The following TTLL5 variants were observed in gnomAD, a reference collection of about 807,000 sequenced individuals.
The protein encoded by TTLL5 is tubulin polyglutamylase TTLL5.
In TTLL5, 132 loss-of-function variants were observed where a neutral mutation model predicts 168.4. The observed-to-expected ratio is 0.78, with a 90% CI of 0.68 to 0.91. TTLL5 has a LOEUF of 0.91. TTLL5 is among the 40% of genes least tolerant of loss of function. The pLI is 0.00. For synonymous variants in TTLL5, 546 were observed against 558.6 expected, an observed-to-expected ratio of 0.98 and a Z score of 0.32; for missense variants, 1,545 against 1,581.5, an observed-to-expected ratio of 0.98 and a Z score of 0.39.
intron 28 of TTLL5, among the ~76,000 whole-genome samples, chr14:75,860,367 T>C (rs1292841141): frequency 1.3e-5 from 2 of 152,220 alleles, no homozygotes; most frequent in African/African-American, 2.4e-5. Context: ...ATATTTGTTA[T>C]TAAAACAGCT....
intron 28 of TTLL5, among the ~76,000 whole-genome samples, chr14:75,826,117 C>T (rs1022483271): frequency 6.6e-6 from 1 of 152,030 alleles, no homozygotes; most frequent in Admixed American, 6.6e-5. Context: ...AACCTGGGGC[C>T]GAGTGTCAGG....
chr14:75,827,707 C>CTTTTTTTTTTT (rs561078439), intron 28 of TTLL5, among the ~76,000 whole-genome samples: 19 of 53,202 alleles, frequency 3.6e-4, no homozygotes, highest in African/African-American at 1.1e-3. Flanking sequence ...TGGCTTGGTT[C>CTTTTTTTTTTT]TTTTTTTTTT....
At chr14:75,682,653 C>T (rs1336563078) in intron 4 of TTLL5, among the ~76,000 whole-genome samples, 1 of 151,746 alleles carries the variant, frequency 6.6e-6, no homozygotes, top group African/African-American at 2.4e-5. Context: ...TCAAAAAGGA[C>T]AGGCAAAAAG....
At chr14:75,859,935 G>A (rs1897319018) in intron 28 of TTLL5, among the ~76,000 whole-genome samples, 1 of 152,210 alleles carries the variant, frequency 6.6e-6, no homozygotes, top group Non-Finnish European at 1.5e-5. Context: ...AAGCAAGCAA[G>A]TTTCTCGTGG....
chr14:75,928,087 A>T (rs1032991182), intron 31 of TTLL5, among the ~76,000 whole-genome samples: 2 of 151,898 alleles, frequency 1.3e-5, no homozygotes, highest in African/African-American at 2.4e-5. Context: ...GTTCGTTTCC[A>T]TGGAGCACCA....
At chr14:75,757,200 C>T (rs940417255) in intron 18 of TTLL5, among the ~76,000 whole-genome samples, 2 of 152,078 alleles carry the variant, frequency 1.3e-5, no homozygotes, top group African/African-American at 4.8e-5. Flanking sequence ...CTGGTCTTGA[C>T]CTCCTGAGCT....
intron 30 of TTLL5, among the ~76,000 whole-genome samples, chr14:75,890,332 A>G (rs2140050668): frequency 6.6e-6 from 1 of 152,350 alleles, no homozygotes; most frequent in South Asian, 2.1e-4. Flanking sequence ...AAAAGCAAGC[A>G]GTAAAATTAG....
At chr14:75,836,209 C>G (rs1895858528) in intron 28 of TTLL5, among the ~76,000 whole-genome samples, 1 of 152,072 alleles carries the variant, frequency 6.6e-6, no homozygotes, top group Non-Finnish European at 1.5e-5. Context: ...ACTGTTCAGT[C>G]ACAAAAGGAA....
chr14:75,888,849 C>T (rs142207370), intron 30 of TTLL5, among the ~76,000 whole-genome samples: 1 of 151,474 alleles, frequency 6.6e-6, no homozygotes, highest in African/African-American at 2.4e-5. Flanking sequence ...GCTGGAGAAT[C>T]GCTTGAACCT....
intron 28 of TTLL5, among the ~76,000 whole-genome samples, chr14:75,855,150 G>GAAAAAAA (rs55874311): frequency 4.9e-4 from 64 of 130,390 alleles, no homozygotes; most frequent in Non-Finnish European, 6.3e-4. Flanking sequence ...TATGCTAGAA[G>GAAAAAAA]AAAAAAAAAA....
At chr14:75,829,824 C>T (rs1895463290) in intron 28 of TTLL5, among the ~76,000 whole-genome samples, 2 of 152,192 alleles carry the variant, frequency 1.3e-5, no homozygotes, top group Admixed American at 1.3e-4. Flanking sequence ...CTGGCTCAGA[C>T]AGTGTGTCAG....
chr14:75,806,338 A>T (rs1893651942), intron 27 of TTLL5, among the ~76,000 whole-genome samples: 2 of 152,092 alleles, frequency 1.3e-5, no homozygotes, highest in Admixed American at 1.3e-4. Context: ...GCCATAATGG[A>T]TCCTTTCCTA....
chr14:75,915,853 C>A (rs2033596702), intron 31 of TTLL5, among the ~76,000 whole-genome samples: 1 of 151,956 alleles, frequency 6.6e-6, no homozygotes, highest in Non-Finnish European at 1.5e-5. Flanking sequence ...ATAAGTCGGA[C>A]ATGGTGGCTC....
chr14:75,788,766 T>C (rs989263621), intron 26 of TTLL5, among the ~76,000 whole-genome samples: 4 of 152,158 alleles, frequency 2.6e-5, no homozygotes, highest in African/African-American at 7.2e-5. Flanking sequence ...GCTAGTTTTA[T>C]CTTAATAATA....
chr14:75,837,559 A>T (rs1388264014), intron 28 of TTLL5, among the ~76,000 whole-genome samples: 2 of 152,144 alleles, frequency 1.3e-5, no homozygotes, highest in Non-Finnish European at 2.9e-5. Context: ...TTTCATCTTG[A>T]TAAACTGAAA....
chr14:75,898,923 A>G (rs760534746), intron 30 of TTLL5, among the ~76,000 whole-genome samples: 1 of 152,220 alleles, frequency 6.6e-6, no homozygotes, highest in Non-Finnish European at 1.5e-5. Context: ...GTTAACTTCC[A>G]GGTTCAGAAT....
intron 31 of TTLL5, among the ~76,000 whole-genome samples, chr14:75,914,033 A>AATATATATATATATATATATATATAT (rs1182456559): frequency 5.6e-5 from 4 of 71,070 alleles, no homozygotes; most frequent in South Asian, 5.5e-4. Context: ...AAAAAAAAAA[A>AATATATATATATATATATATATATAT]ATATATATAT....
At chr14:75,750,188 A>G in intron 17 of TTLL5, among the ~76,000 whole-genome samples, 1 of 152,040 alleles carries the variant, frequency 6.6e-6, no homozygotes, top group Non-Finnish European at 1.5e-5. Flanking sequence ...TTTGCTCTGT[A>G]GGCACAGGTT....
At chr14:75,681,463 T>C in intron 3 of TTLL5, 82 bp from the exon 4 acceptor site, 1 of 1,088,208 alleles carries the variant, frequency 9.2e-7, no homozygotes. Context: ...TTATTGAGTA[T>C]AATTAAGCCA....
Sources: allele counts gnomAD v4.1 joint callset (sites outside exome capture counted in the v4.1 genomes callset), GRCh38; gene constraint gnomAD v4.1.1; transcripts MANE v1.5; gene names NCBI Gene and HGNC (gene_info 2026-07-23, HGNC 2026-07-21).